ST7L: variants seen among roughly 807,000 people sequenced by gnomAD.
ST7L encodes suppressor of tumorigenicity 7 protein-like.
ST7L carries 57 observed loss-of-function variants against 72.5 expected under a neutral mutation model. The observed-to-expected ratio is 0.79, with a 90% CI of 0.64 to 0.98. The LOEUF (loss-of-function observed/expected upper bound fraction) is 0.98. Among genes scored for constraint, ST7L ranks in the 50% least tolerant of loss-of-function variants. ST7L has a pLI of 0.00. For missense variants in ST7L, 576 were observed against 672.2 expected (o/e 0.86, Z 1.58); for synonymous variants, 221 against 240.9 (o/e 0.92, Z 0.77).
chr1:112,547,127 G>T (rs956557926), intron 13 of ST7L, among the ~76,000 whole-genome samples: 5 of 151,354 alleles, frequency 3.3e-5, no homozygotes, highest in Non-Finnish European at 7.4e-5. Context: ...ACCGAAGTCA[G>T]AAAATTGAGA....
Position 112,616,802 on chromosome 1 carries a change from A to C in ST7L, c.288+11T>G. The stretch of plus-strand genomic sequence containing the variant: ...ACCAAAACATGAAGGAAGGAAATGG[A>C]AACTACTTACAAATATTAGTCCTGA... On this transcript the variant is annotated intron_variant, in intron 2 of 14. Coordinates refer to ENST00000358039, the MANE Select transcript of ST7L (RefSeq NM_017744.5). 1 of 1,565,348 alleles carries C rather than the reference A, an allele frequency of 6.4e-7. No homozygotes were observed. The highest frequency in any genetic ancestry group is 1.9e-5 in the Admixed American group (1 of 51,586).
rs774572261 is a variant in ST7L at position 112,555,921 on chromosome 1, T to G, written c.1343A>C (p.His448Pro). The change falls in exon 12 of 15, where the codon CAC becomes CCC. Residue 448 changes from histidine (H) to proline (P), a missense_variant. Coordinates refer to ENST00000358039, the MANE Select transcript of ST7L (RefSeq NM_017744.5). ...AIAYAFFHLQ[H>P]WKRIEGALNL... ...AAGAGCACCTTCTATTCGTTTCCAG[T>G]GCTGAAGATGAAAGAAAGCATAGGC... The G allele has an allele frequency of 6.2e-7, 1 of 1,612,658 alleles. No individual in the cohort carries two copies. The highest frequency in any genetic ancestry group is 1.1e-5 in the South Asian group (1 of 90,812).
chr1:112,560,895 A>C (rs1000726962), intron 11 of ST7L, among the ~76,000 whole-genome samples: 1 of 151,038 alleles, frequency 6.6e-6, no homozygotes, highest in African/African-American at 2.4e-5. Flanking sequence ...CCCGGGAGGC[A>C]GGGGTTGCAG....
intron 11 of ST7L, among the ~76,000 whole-genome samples, chr1:112,574,462 A>G (rs866317840): frequency 2.6e-5 from 4 of 151,860 alleles, no homozygotes; most frequent in Admixed American, 6.6e-5. Context: ...GATCGAGACC[A>G]TCCTGGCTAA....
intron 3 of ST7L, among the ~76,000 whole-genome samples, chr1:112,609,770 C>T (rs1173195369): frequency 6.0e-5 from 9 of 149,612 alleles, no homozygotes; most frequent in South Asian, 2.1e-4. Flanking sequence ...TGCAGTGAGC[C>T]GAGATCGCAC....
At position 112,578,332 on chromosome 1, in the gene ST7L, T is replaced by TTA. The variant is rs766529493; in HGVS notation, c.1142+11_1142+12dup. ...CAGTCTTTCCAAATCATTGTAGTTTTTATAACACGTACTTTTCTGAAACAG... is the reference window on the plus strand; with the variant it reads ...CAGTCTTTCCAAATCATTGTAGTTTTTATATAACACGTACTTTTCTGAAACAG... On this transcript the variant is annotated intron_variant, in intron 10 of 14. Transcript: ENST00000358039. 6.2e-7 allele frequency: 1 copy of TTA among 1,611,980 alleles called. No individual in the cohort carries two copies. Among genetic ancestry groups the TTA allele is most frequent in the East Asian group, 2.2e-5 (1 of 44,848 alleles).
intron 1 of ST7L, among the ~76,000 whole-genome samples, chr1:112,617,582 C>T (rs977928589): frequency 1.1e-4 from 16 of 152,042 alleles, no homozygotes; most frequent in Non-Finnish European, 2.2e-4. Flanking sequence ...CGTGGTGGTG[C>T]ACGCCTGCAG....
chr1:112,553,855 A>T (rs1658658207), intron 12 of ST7L, among the ~76,000 whole-genome samples: 1 of 152,182 alleles, frequency 6.6e-6, no homozygotes. Context: ...GTGATATCTG[A>T]CAGATGTTGA....
intron 8 of ST7L, 104 bp from the exon 9 acceptor site, chr1:112,582,210 G>C (rs1320303637): frequency 2.1e-6 from 2 of 962,866 alleles, no homozygotes; most frequent in Admixed American, 4.6e-5. Flanking sequence ...CCATAGCTGT[G>C]AAGAAGACCT....
chr1:112,573,073 G>A (rs1662410227), intron 11 of ST7L, among the ~76,000 whole-genome samples: 1 of 152,116 alleles, frequency 6.6e-6, no homozygotes, highest in Admixed American at 6.6e-5. Context: ...GTGGGGCCAG[G>A]TGCAGTAGCT....
chr1:112,592,420 A>G (rs114831635), intron 5 of ST7L, among the ~76,000 whole-genome samples: 3,059 of 152,324 alleles, frequency 0.02, 106 homozygotes, highest in African/African-American at 0.069. Context: ...TATTAGTCTC[A>G]GCTTAGAAAA....
intron 1 of ST7L, chr1:112,617,393 A>G (rs1670040941): frequency 6.5e-6 from 1 of 154,282 alleles, no homozygotes; most frequent in Non-Finnish European, 1.4e-5. Context: ...TAATTATCTC[A>G]TAAGTACTGT....
intron 5 of ST7L, among the ~76,000 whole-genome samples, chr1:112,596,915 G>A (rs1041098412): frequency 2.0e-5 from 3 of 152,168 alleles, no homozygotes; most frequent in Admixed American, 6.5e-5. Context: ...GGGATTACAG[G>A]CGTGAGCCAC....
At chr1:112,519,959 G>A (rs960787225), downstream of ST7L, among the ~76,000 whole-genome samples, 1 of 146,096 alleles carries the variant, frequency 6.8e-6, no homozygotes, top group East Asian at 2.0e-4. Context: ...CTGCAGCCTC[G>A]ACCTCCCAGC....
chr1:112,610,705 C>T (rs1037182691), intron 3 of ST7L, 136 bp downstream of exon 3: 26 of 1,082,218 alleles, frequency 2.4e-5, no homozygotes, highest in Non-Finnish European at 7.9e-6. Context: ...CTCGTAACAT[C>T]ACATTGGTGA....
intron 3 of ST7L, 167 bp downstream of exon 3, chr1:112,610,674 A>G: frequency 2.5e-6 from 2 of 788,964 alleles, no homozygotes; most frequent in African/African-American, 3.5e-5. Context: ...TCATGACCTG[A>G]TCACCTCCCA....
chr1:112,605,037 A>G (rs2100977723), intron 3 of ST7L, among the ~76,000 whole-genome samples: 1 of 146,736 alleles, frequency 6.8e-6, no homozygotes, highest in East Asian at 2.1e-4. Context: ...CAGTGAGCAG[A>G]GATCACGCCA....
In ST7L at chr1:112,525,809, A is replaced by C. The variant is rs1653288332; in HGVS notation, c.*204T>G. Reference sequence around the variant, plus strand: ...ATGAAGAAAAAAGGAAGACAATTTCATCTACAGTTGTCCTTTTTGACAGCT... The same window carrying C: ...ATGAAGAAAAAAGGAAGACAATTTCCTCTACAGTTGTCCTTTTTGACAGCT... On this transcript the variant is annotated 3_prime_UTR_variant, in exon 15 of 15. Coordinates refer to ENST00000358039, the MANE Select transcript of ST7L (RefSeq NM_017744.5). The C allele has an allele frequency of 3.4e-6, 2 of 589,576 alleles. No homozygotes were observed. Among genetic ancestry groups the C allele is most frequent in the Non-Finnish European group, 5.5e-6 (2 of 366,912 alleles). The allele number at this position is 589,576 out of a possible 1,614,324, so 36.5% of individuals were successfully genotyped here.
chr1:112,599,358 G>C (rs2180337), intron 4 of ST7L, among the ~76,000 whole-genome samples: 1 of 151,886 alleles, frequency 6.6e-6, no homozygotes, highest in Non-Finnish European at 1.5e-5. Context: ...TTTAAGCATA[G>C]GAGTTATTGC....
Sources: gnomAD v4.1 joint callset for allele counts (sites outside exome capture counted in the v4.1 genomes callset) on GRCh38, gnomAD v4.1.1 for gene constraint, MANE v1.5 for transcripts, NCBI Gene and HGNC (gene_info 2026-07-23, HGNC 2026-07-21) for gene names.